Variants in DAAM2 observed in about 807,000 individuals in gnomAD.
DAAM2 encodes disheveled-associated activator of morphogenesis 2.
DAAM2 carries 39 observed loss-of-function variants against 120.7 expected under a neutral mutation model. That is an observed-to-expected ratio of 0.32 (90% CI 0.25 to 0.42). The LOEUF (loss-of-function observed/expected upper bound fraction) is 0.42. DAAM2 is among the 10% of genes least tolerant of loss of function. The pLI is 1.00. For synonymous variants in DAAM2, 488 were observed against 524.9 expected (o/e 0.93, Z 0.96); for missense variants, 1,283 against 1,401.7 (o/e 0.92, Z 1.35).
Position 39,903,945 on chromosome 6 carries a change from T to C in DAAM2, c.*1908T>C. 2.9e-6 allele frequency: 1 copy of C among 346,308 alleles called. No individual in the cohort carries two copies. Among genetic ancestry groups the C allele is most frequent in the Non-Finnish European group, 5.6e-6 (1 of 177,760 alleles). 21.5% of individuals were successfully genotyped at this position (346,308 alleles called of 1,614,324 possible). A position where few individuals can be genotyped will look rare whatever the true frequency, so the allele number is the denominator to read the frequency against. The stretch of plus-strand genomic sequence containing the variant: ...AGAACAGCTGCAGAGAGTTTGGCTA[T>C]ATGCATCTGCAGCCCCAAGAGCTCC... On this transcript the variant is annotated 3_prime_UTR_variant, in exon 25 of 25. Coordinates refer to ENST00000274867, the MANE Select transcript of DAAM2 (RefSeq NM_001201427.2).
intron 17 of DAAM2, among the ~76,000 whole-genome samples, chr6:39,890,530 G>A (rs1022126500): frequency 1.3e-5 from 2 of 152,178 alleles, no homozygotes; most frequent in African/African-American, 4.8e-5. Flanking sequence ...TACAGCATGA[G>A]TTCAAGGACA....
chr6:39,804,220 G>A (rs1365402224), intron 1 of DAAM2, among the ~76,000 whole-genome samples: 3 of 152,176 alleles, frequency 2.0e-5, no homozygotes, highest in Non-Finnish European at 4.4e-5. Flanking sequence ...CTCTGACGAG[G>A]TGAGCTTCTT....
rs1024770642 is a variant in DAAM2, at chr6:39,903,952, C to A, written c.*1915C>A. 5.8e-6 allele frequency: 2 copies of A among 347,196 alleles called. No individual in the cohort carries two copies. Among genetic ancestry groups the A allele is most frequent in the South Asian group, 2.3e-5 (1 of 43,272 alleles). The allele number at this position is 347,196 out of a possible 1,614,324, so 21.5% of individuals were successfully genotyped here. On this transcript the variant is annotated 3_prime_UTR_variant, in exon 25 of 25. Transcript: ENST00000274867. ...CTGCAGAGAGTTTGGCTATATGCATCTGCAGCCCCAAGAGCTCCCACTGCA... is the reference window on the plus strand; with the variant it reads ...CTGCAGAGAGTTTGGCTATATGCATATGCAGCCCCAAGAGCTCCCACTGCA...
At chr6:39,840,054 C>T (rs145555806) in intron 1 of DAAM2, among the ~76,000 whole-genome samples, 4,595 of 152,124 alleles carry the variant, frequency 0.03, 228 homozygotes, top group African/African-American at 0.1. Context: ...TGGTGAAACC[C>T]TGTCTCTACA....
rs564327973 is a variant in DAAM2 at position 39,879,403 on chromosome 6, G to A, written c.1771G>A (p.Val591Ile). 36 of 1,612,446 alleles carry A rather than the reference G, an allele frequency of 2.2e-5. 1 individual carries two copies. Among genetic ancestry groups the A allele is most frequent in the South Asian group, 2.2e-4 (20 of 90,974 alleles). Residue 591 changes from valine to isoleucine, a missense_variant, in exon 14 of 25, where the codon GTC becomes ATC. By Grantham distance (29) the Val-to-Ile change is conservative. Around this residue, in one of 3 missense-constraint regions of DAAM2, gnomAD observed 748 missense variants for 768.6 expected, o/e 0.97. Transcript: ENST00000274867. ...TCAGGACCCCTACCCCAGCAGTGAC[G>A]TCCCACTCAGGAAAAAGCGTGTCCC... ...LPQDPYPSSD[V>I]PLRKKRVPQP...
rs1276592994 is a variant in DAAM2, at chr6:39,879,471, G to C, written c.1839G>C (p.Leu613=). 6 of 1,613,904 alleles carry C rather than the reference G, an allele frequency of 3.7e-6. No homozygotes were observed. The highest frequency in any genetic ancestry group is 5.1e-6 in the Non-Finnish European group (6 of 1,179,912). Residue 613 remains leucine (L), a synonymous_variant, in exon 14 of 25, where the codon CTG becomes CTC. Coordinates refer to ENST00000274867, the MANE Select transcript of DAAM2 (RefSeq NM_001201427.2). ...HPLKSFNWVK[L]NEERVPGTVW... is the part of the protein sequence containing the mutation. The stretch of plus-strand genomic sequence containing the variant: ...TGAAGTCCTTCAACTGGGTGAAGCT[G>C]AATGAGGTGAGCATCTGGGAAGGGG...
intron 19 of DAAM2, among the ~76,000 whole-genome samples, chr6:39,896,333 T>G (rs3004065): frequency 0.6 from 90,271 of 151,642 alleles, 27,201 homozygotes; most frequent in African/African-American, 0.69. Flanking sequence ...TTCCCAAGCA[T>G]CTGGGATTAT....
rs1266900780 is a variant in DAAM2 at position 39,901,297 on chromosome 6, G to T, written c.2812-5G>T. On this transcript the variant is annotated splice_region_variant and splice_polypyrimidine_tract_variant and intron_variant, in intron 23 of 24. Transcript: ENST00000274867. The surrounding 1 kb of genome is among the most constrained non-coding windows in gnomAD (Gnocchi z 4.5). ...CTCCACCAATCCTGTTCTGTCCCTT[G>T]ACAGTTCGCCAAGGCCTTGATGCAC... The T allele has an allele frequency of 1.2e-6, 2 of 1,612,506 alleles. No homozygotes were observed. The highest frequency in any genetic ancestry group is 1.7e-5 in the Admixed American group (1 of 59,982).
At chr6:39,856,730 A>G (rs971001012) in intron 2 of DAAM2, among the ~76,000 whole-genome samples, 2 of 152,216 alleles carry the variant, frequency 1.3e-5, no homozygotes, top group African/African-American at 4.8e-5. Flanking sequence ...TGCAGTAATT[A>G]GGTTATCATA....
intron 1 of DAAM2, among the ~76,000 whole-genome samples, chr6:39,851,650 G>A (rs1402031280): frequency 6.6e-6 from 1 of 152,212 alleles, no homozygotes; most frequent in Non-Finnish European, 1.5e-5. Flanking sequence ...CCAAATGGAA[G>A]GAATCAGCTC....
intron 2 of DAAM2, among the ~76,000 whole-genome samples, chr6:39,858,630 T>C (rs1764097762): frequency 2.0e-5 from 3 of 152,194 alleles, no homozygotes; most frequent in Admixed American, 1.3e-4. Context: ...TGAGTTGTTA[T>C]AAGTTGTTAT....
At chr6:39,891,090 TA>T (rs11321886) in intron 17 of DAAM2, among the ~76,000 whole-genome samples, 4,349 of 138,544 alleles carry the variant, frequency 0.031, 73 homozygotes, top group Middle Eastern at 0.05. Context: ...GAGACCCTAT[TA>T]AAAAAAAAAA....
In DAAM2 at chr6:39,895,959, C is replaced by T. The variant is rs151010786; in HGVS notation, c.2342-853C>T. Among the ~76,000 whole-genome samples the T allele has an allele frequency of 2.1e-3, 326 of 152,216 alleles. 13 individuals carry two copies. In the East Asian group the frequency reaches 0.053, roughly 25 times the overall value. ...AGCTTATTTCATCAAATCTTAGACA[C>T]TATCAACTGAAAAGCATGCCATTAT... On this transcript the variant is annotated intron_variant, in intron 19 of 24. Transcript: ENST00000274867.
chr6:39,812,583 C>T (rs1352647958), intron 1 of DAAM2, among the ~76,000 whole-genome samples: 1 of 150,902 alleles, frequency 6.6e-6, no homozygotes, highest in Non-Finnish European at 1.5e-5. Flanking sequence ...ACTCAGTATC[C>T]CCCGCCTCCC....
chr6:39,811,951 C>A (rs1762175157), intron 1 of DAAM2, among the ~76,000 whole-genome samples: 1 of 152,094 alleles, frequency 6.6e-6, no homozygotes. Context: ...CCCTGTAGAC[C>A]CTCTGTGATT....
At chr6:39,873,183 C>T in intron 9 of DAAM2, 55 bp from the exon 10 acceptor site, 2 of 1,186,782 alleles carry the variant, frequency 1.7e-6, no homozygotes, top group Non-Finnish European at 2.5e-6. Flanking sequence ...CTTCTCTCTC[C>T]TGCTGACTTC....
chr6:39,796,417 C>A (rs1761700467), intron 1 of DAAM2, among the ~76,000 whole-genome samples: 1 of 152,078 alleles, frequency 6.6e-6, no homozygotes, highest in African/African-American at 2.4e-5. Flanking sequence ...TTGGCAGCAT[C>A]TATTTCTCCA....
Position 39,878,150 on chromosome 6 carries a change from C to A in DAAM2, c.1302-53C>A. On this transcript the variant is annotated intron_variant, in intron 11 of 24. Transcript: ENST00000274867. The surrounding 1 kb of genome is among the most constrained non-coding windows in gnomAD (Gnocchi z 5.0). ...TAGAAAGATGATGTCTCCTGGGAAG[C>A]TGTGAATCAATGGTCAACAATCACA... 1 of 1,591,254 alleles carries A rather than the reference C, an allele frequency of 6.3e-7. No individual in the cohort carries two copies. Among genetic ancestry groups the A allele is most frequent in the Non-Finnish European group, 8.6e-7 (1 of 1,161,964 alleles).
chr6:39,815,853 A>C (rs3008804), intron 1 of DAAM2, among the ~76,000 whole-genome samples: 82,573 of 151,980 alleles, frequency 0.54, 22,617 homozygotes, highest in East Asian at 0.63. Context: ...TGGTGCTCAC[A>C]AGCAACTCAC....
Sources: gnomAD v4.1 joint callset for allele counts (sites outside exome capture counted in the v4.1 genomes callset) on GRCh38, gnomAD v4.1.1 for gene constraint, gnomAD v4.1.1 regional missense constraint, Gnocchi (gnomAD v3.1) non-coding constraint, MANE v1.5 for transcripts, NCBI Gene and HGNC (gene_info 2026-07-23, HGNC 2026-07-21) for gene names.